The following VPS13B variants were observed in gnomAD, a reference collection of about 807,000 sequenced individuals.
VPS13B encodes the protein intermembrane lipid transfer protein VPS13B.
A neutral mutation model predicts 426.4 loss-of-function variants in VPS13B; 285 were observed. That is an observed-to-expected ratio of 0.67 (90% CI 0.61 to 0.74). The LOEUF is 0.74. Ranked by LOEUF, VPS13B falls within the 30% of genes least tolerant of loss-of-function variation. The pLI is 0.00. For missense variants in VPS13B, 4,537 were observed against 4,782.6 expected, an observed-to-expected ratio of 0.95 and a Z score of 1.51; for synonymous variants, 1,676 against 1,676.4, an observed-to-expected ratio of 1.00 and a Z score of 0.01.
intron 39 of VPS13B, among the ~76,000 whole-genome samples, chr8:99,752,936 A>C (rs1810471082): frequency 6.6e-6 from 1 of 152,212 alleles, no homozygotes; most frequent in African/African-American, 2.4e-5. Flanking sequence ...ACCGTCAAGT[A>C]ACTGAAATAC....
At chr8:99,311,961 T>G (rs776334266) in intron 19 of VPS13B, among the ~76,000 whole-genome samples, 1 of 152,210 alleles carries the variant, frequency 6.6e-6, no homozygotes, top group Non-Finnish European at 1.5e-5. Context: ...TTTGTTGGTT[T>G]AAAGTCTGTT....
Position 99,391,658 on chromosome 8 carries a change from G to A in VPS13B, c.3036G>A (p.Gln1012=), listed in dbSNP as rs1486340747. 1.2e-6 allele frequency: 2 copies of A among 1,614,152 alleles called. No individual in the cohort carries two copies. Among genetic ancestry groups the A allele is most frequent in the East Asian group, 2.2e-5 (1 of 44,882 alleles). Residue 1012 remains glutamine, a synonymous_variant, in exon 21 of 62, where the codon CAG becomes CAA. Transcript: ENST00000357162. ...SAPLAKQQSY[Q]ASEYASSPVK... is the part of the protein sequence containing the mutation. ...CCTTGGCAAAGCAGCAATCATATCAGGCCTCTGAATATGCCAGCAGCCCTG... is the reference window on the plus strand; with the variant it reads ...CCTTGGCAAAGCAGCAATCATATCAAGCCTCTGAATATGCCAGCAGCCCTG...
intron 19 of VPS13B, among the ~76,000 whole-genome samples, chr8:99,379,363 G>C (rs1423241626): frequency 6.6e-6 from 1 of 152,078 alleles, no homozygotes; most frequent in African/African-American, 2.4e-5. Flanking sequence ...CGGATGGGCG[G>C]GGGGGCAACA....
chr8:99,087,029 G>A (rs1171028262), intron 3 of VPS13B, among the ~76,000 whole-genome samples: 1 of 152,166 alleles, frequency 6.6e-6, no homozygotes, highest in African/African-American at 2.4e-5. Context: ...TGCTACCTTT[G>A]TTTGGCTATG....
chr8:99,516,772 G>C (rs1408364215), intron 29 of VPS13B, among the ~76,000 whole-genome samples: 10 of 118,400 alleles, frequency 8.4e-5, no homozygotes, highest in Admixed American at 3.4e-4. Context: ...TGGGTGACAG[G>C]AGGAGACCGT....
rs1343776715 is a variant in VPS13B at position 99,577,554 on chromosome 8, G to A, written c.5141G>A (p.Ser1714Asn). The change falls in exon 33 of 62, where the codon AGT (serine) becomes AAT (asparagine). Residue 1714 changes from serine to asparagine, a missense_variant. By Grantham distance (46) the Ser-to-Asn change is conservative. This residue lies in a region of VPS13B where 4,311 missense variants were observed against 4,474.3 expected (regional missense o/e 0.96). Transcript: ENST00000357162. Reference protein sequence around the residue: ...NITTNLDFFLSVAQVQLLHQL... With the variant: ...NITTNLDFFLNVAQVQLLHQL... The stretch of plus-strand genomic sequence containing the variant: ...ACCACAAACCTGGACTTCTTCCTAA[G>A]TGTGGCTCAAGTTCAACTCTTACAT... 3.3e-5 allele frequency: 53 copies of A among 1,613,776 alleles called. No individual in the cohort carries two copies. Among genetic ancestry groups the A allele is most frequent in the Non-Finnish European group, 4.4e-5 (52 of 1,179,810 alleles).
chr8:99,103,084 G>A lies in VPS13B; in HGVS notation c.544G>A (p.Gly182Ser). Residue 182 changes from glycine to serine, a missense_variant, in exon 5 of 62, where the codon GGT becomes AGT. Physicochemically the swap from Gly to Ser is moderately conservative, Grantham distance 56. This residue lies in a region of VPS13B where 226 missense variants were observed against 308.3 expected (regional missense o/e 0.73). Coordinates refer to ENST00000357162, the MANE Select transcript of VPS13B (RefSeq NM_152564.5). ...CACTTCTGCAGAATGTTATACAGTA[G>A]GTGAATTATGGGATCGTGCATTCAT... ...NITSAECYTV[G>S]ELWDRAFMDI... 6.2e-7 allele frequency: 1 copy of A among 1,613,966 alleles called. No homozygotes were observed. Among genetic ancestry groups the A allele is most frequent in the Non-Finnish European group, 8.5e-7 (1 of 1,179,932 alleles).
chr8:99,043,865 C>T (rs541382907), intron 3 of VPS13B, among the ~76,000 whole-genome samples: 5 of 152,158 alleles, frequency 3.3e-5, no homozygotes, highest in Admixed American at 2.6e-4. Context: ...TTGAAGCATT[C>T]TCTTTATTGT....
Position 99,513,467 on chromosome 8 carries a change from G to C in VPS13B, c.4633+1955G>C, listed in dbSNP as rs1221084792. Reference sequence around the variant, plus strand: ...GAAAAAAGCTGAGGAAATAGTGAGAGGCTATAGAGACAGAAAAGGAAGTAA... The same window carrying C: ...GAAAAAAGCTGAGGAAATAGTGAGACGCTATAGAGACAGAAAAGGAAGTAA... On this transcript the variant is annotated intron_variant, in intron 29 of 61. Transcript: ENST00000357162. Among the ~76,000 whole-genome samples the C allele has an allele frequency of 2.0e-5, 3 of 152,122 alleles. No individual in the cohort carries two copies. The East Asian group carries it at 5.8e-4, about 29-fold the overall frequency.
intron 39 of VPS13B, among the ~76,000 whole-genome samples, chr8:99,744,657 C>T (rs1370306202): frequency 6.6e-6 from 1 of 152,246 alleles, no homozygotes; most frequent in East Asian, 1.9e-4. Context: ...ATGATGAGTT[C>T]ATGTCCTTTG....
intron 33 of VPS13B, among the ~76,000 whole-genome samples, chr8:99,637,440 C>T (rs985151355): frequency 5.3e-5 from 8 of 151,960 alleles, no homozygotes; most frequent in African/African-American, 1.9e-4. Context: ...TTTTTCTTTT[C>T]CTTCCAATGA....
chr8:99,705,305 T>C (rs954050976), intron 36 of VPS13B, among the ~76,000 whole-genome samples: 1 of 152,094 alleles, frequency 6.6e-6, no homozygotes, highest in Non-Finnish European at 1.5e-5. Context: ...ATCTTAACTT[T>C]TTTCAAAAAA....
At chr8:99,769,861 A>G (rs187782868) in intron 40 of VPS13B, among the ~76,000 whole-genome samples, 1 of 152,254 alleles carries the variant, frequency 6.6e-6, no homozygotes, top group Non-Finnish European at 1.5e-5. Flanking sequence ...CCAAAGACAA[A>G]ATAGAGTCAA....
At chr8:99,731,316 A>G (rs1833590625) in intron 39 of VPS13B, among the ~76,000 whole-genome samples, 2 of 152,174 alleles carry the variant, frequency 1.3e-5, no homozygotes, top group Non-Finnish European at 2.9e-5. Flanking sequence ...TGTATGTACC[A>G]TTATCTTCAC....
intron 33 of VPS13B, among the ~76,000 whole-genome samples, chr8:99,590,701 C>A (rs1442123262): frequency 6.6e-6 from 1 of 152,080 alleles, no homozygotes; most frequent in Non-Finnish European, 1.5e-5. Context: ...GTCTGAGAAA[C>A]AGTTTGTTGT....
chr8:99,190,363 G>A (rs973324363), intron 16 of VPS13B, among the ~76,000 whole-genome samples: 3 of 149,356 alleles, frequency 2.0e-5, no homozygotes, highest in Non-Finnish European at 3.0e-5. Context: ...TAATATAATC[G>A]AAGAATCTCT....
chr8:99,755,697 A>C (rs909392733), intron 39 of VPS13B, among the ~76,000 whole-genome samples: 2 of 152,210 alleles, frequency 1.3e-5, no homozygotes, highest in Admixed American at 1.3e-4. Flanking sequence ...TTGAGCCAGG[A>C]GGCAGAGGTT....
rs556969020 is a variant in VPS13B, at chr8:99,138,704, A to G, written c.1651+1952A>G. 3.3e-5 allele frequency among the ~76,000 whole-genome samples: 5 copies of G among 152,334 alleles called. No individual in the cohort carries two copies. In the South Asian group the frequency reaches 1.0e-3, roughly 32 times the overall value. The stretch of plus-strand genomic sequence containing the variant: ...AAGTGTAAATATTCCTTAGCCAGTT[A>G]TATATATGAAAGTGCAACTCAGAAG... On this transcript the variant is annotated intron_variant, in intron 12 of 61. Transcript: ENST00000357162.
intron 28 of VPS13B, chr8:99,507,640 C>G (rs1324281524): frequency 7.2e-7 from 1 of 1,389,048 alleles, no homozygotes; most frequent in East Asian, 2.5e-5. Flanking sequence ...AGAGGCCATA[C>G]CTAGCGGTTG....
Sources: allele counts gnomAD v4.1 joint callset (sites outside exome capture counted in the v4.1 genomes callset), GRCh38; gene constraint gnomAD v4.1.1; regional missense constraint gnomAD v4.1.1; transcripts MANE v1.5; gene names NCBI Gene and HGNC (gene_info 2026-07-23, HGNC 2026-07-21).